Variants in UTF1 observed in about 807,000 individuals in gnomAD.
UTF1 encodes the protein undifferentiated embryonic cell transcription factor 1.
UTF1 carries 8 observed loss-of-function variants against 11.8 expected under a neutral mutation model. The observed-to-expected ratio is 0.68, with a 90% CI of 0.40 to 1.23. The LOEUF (loss-of-function observed/expected upper bound fraction) is 1.23, where lower values mean the gene tolerates loss of function less well. Among genes scored for constraint, UTF1 ranks in the 50% most tolerant of loss-of-function variants. UTF1 has a pLI of 0.01. For missense variants in UTF1, 545 were observed against 542.1 expected, an observed-to-expected ratio of 1.01 and a Z score of -0.05; for synonymous variants, 344 against 271.7, an observed-to-expected ratio of 1.27 and a Z score of -2.62.
Position 133,231,152 on chromosome 10 carries a change from C to T in UTF1, c.736C>T (p.Pro246Ser), listed in dbSNP as rs1845794527. 1 of 1,241,536 alleles carries T rather than the reference C, an allele frequency of 8.1e-7. No individual in the cohort carries two copies. Among genetic ancestry groups the T allele is most frequent in the Admixed American group, 4.3e-5 (1 of 23,090 alleles). The allele number at this position is 1,241,536 out of a possible 1,614,324, so 76.9% of individuals were successfully genotyped here. ...CGCGCCCGTCCGCGGCCCCGGGTCC[C>T]CGCCGCCACCCCCGGCCCGCGAAGA... ...DRAPVRGPGS[P>S]PPPPAREDPD... Residue 246 changes from proline to serine, a missense_variant, in exon 2 of 2, where the codon CCG becomes TCG. This residue lies in a region of UTF1 where 394 missense variants were observed against 341.5 expected (regional missense o/e 1.15). Transcript: ENST00000304477.
chr10:133,230,603 G>A lies in UTF1; in HGVS notation c.315G>A (p.Gln105=), dbSNP rs1178689429. Residue 105 remains glutamine, a synonymous_variant, in exon 1 of 2, where the codon CAG becomes CAA. Transcript: ENST00000304477. ...YRRVSAALAQ[Q]QVRRTPAQCR... is the part of the protein sequence containing the mutation. Reference sequence around the variant, plus strand: ...GCGTGTCGGCCGCGCTGGCCCAGCAGCAGGTGCGCCGCACCCCCGCGCAGT... The same window carrying A: ...GCGTGTCGGCCGCGCTGGCCCAGCAACAGGTGCGCCGCACCCCCGCGCAGT... The A allele has an allele frequency of 9.2e-6, 13 of 1,415,292 alleles. No individual in the cohort carries two copies. The highest frequency in any genetic ancestry group is 1.2e-5 in the Non-Finnish European group (13 of 1,090,586). 87.7% of individuals were successfully genotyped at this position (1,415,292 alleles called of 1,614,324 possible).
At position 133,231,535 on chromosome 10, in the gene UTF1, C is replaced by T; in HGVS notation, c.*93C>T. ...TCCCACCCCCGTTCTTGGGTATGTT[C>T]AATAAAAGGATTGTTTTCCTAGAGT... On this transcript the variant is annotated 3_prime_UTR_variant, in exon 2 of 2. Transcript: ENST00000304477. The T allele has an allele frequency of 9.7e-7, 1 of 1,036,008 alleles. No individual in the cohort carries two copies. Among genetic ancestry groups the T allele is most frequent in the Non-Finnish European group, 1.3e-6 (1 of 756,752 alleles). The allele number at this position is 1,036,008 out of a possible 1,614,324, so 64.2% of individuals were successfully genotyped here.
chr10:133,231,392 C>T lies in UTF1; in HGVS notation c.976C>T (p.Leu326=), dbSNP rs1290726126. The T allele has an allele frequency of 5.1e-6, 8 of 1,573,264 alleles. No homozygotes were observed. The highest frequency in any genetic ancestry group is 4.1e-5 in the African/African-American group (3 of 73,846). Residue 326 remains leucine, a synonymous_variant, in exon 2 of 2, where the codon CTG becomes TTG. Transcript: ENST00000304477. Reference sequence around the variant, plus strand: ...AGTGTCCCTGGCCGTGGGCTTCATTCTGGGCAGCGCGGCCGCCGAGCGAGG... The same window carrying T: ...AGTGTCCCTGGCCGTGGGCTTCATTTTGGGCAGCGCGGCCGCCGAGCGAGG... ...QTVSLAVGFI[L]GSAAAERGVL...
chr10:133,231,229 GC>G lies in UTF1; in HGVS notation c.818del (p.Pro273ArgfsTer3). On this transcript the variant is annotated frameshift_variant, in exon 2 of 2. Transcript: ENST00000304477. LOFTEE classifies it high-confidence loss of function. ...PEDCAPPPAA[P>X]PSLNTALLQT... ...AGGACTGCGCGCCCCCTCCGGCCGC[GC>G]CCCCGTCGCTGAACACCGCCCTGCT... 3 of 1,531,878 alleles carry G rather than the reference GC, an allele frequency of 2.0e-6. No homozygotes were observed. The highest frequency in any genetic ancestry group is 8.7e-7 in the Non-Finnish European group (1 of 1,145,662). The allele number at this position is 1,531,878 out of a possible 1,614,324, so 94.9% of individuals were successfully genotyped here.
At position 133,230,670 on chromosome 10, in the gene UTF1, G is replaced by C. The variant is rs746945493; in HGVS notation, c.382G>C (p.Ala128Pro). ...YKFLKDKFRE[A>P]HGQPPGPFDE... is the part of the protein sequence containing the mutation. ...GTTCCTTAAAGACAAGTTTCGCGAGGCGCACGGCCAGCCGCCCGGGCCCTT... is the reference window on the plus strand; with the variant it reads ...GTTCCTTAAAGACAAGTTTCGCGAGCCGCACGGCCAGCCGCCCGGGCCCTT... The change falls in exon 1 of 2, where the codon GCG becomes CCG. Residue 128 changes from alanine to proline, a missense_variant. Ala to Pro is a conservative substitution (Grantham distance 27). Around this residue, in one of 3 missense-constraint regions of UTF1, gnomAD observed 394 missense variants for 341.5 expected, o/e 1.15. Coordinates refer to ENST00000304477, the MANE Select transcript of UTF1 (RefSeq NM_003577.3). The C allele has an allele frequency of 4.7e-6, 7 of 1,490,104 alleles. No individual in the cohort carries two copies. The highest frequency in any genetic ancestry group is 3.8e-5 in the South Asian group (3 of 78,776). 92.3% of individuals were successfully genotyped at this position (1,490,104 alleles called of 1,614,324 possible). A position where few individuals can be genotyped will look rare whatever the true frequency, so the allele number is the denominator to read the frequency against.
chr10:133,231,307 C>G lies in UTF1; in HGVS notation c.891C>G (p.Arg297=), dbSNP rs750246007. 46 of 1,597,226 alleles carry G rather than the reference C, an allele frequency of 2.9e-5. No individual in the cohort carries two copies. In the African/African-American group the frequency reaches 5.5e-4, roughly 19 times the overall value. Residue 297 remains arginine, a synonymous_variant, in exon 2 of 2, where the codon CGC becomes CGG. Transcript: ENST00000304477. The stretch of plus-strand genomic sequence containing the variant: ...TCGCGAACATCCTGGGCCCGCTGCG[C>G]GACCAGCTGCTGACCTTGAACCAGC... ...GDIANILGPL[R]DQLLTLNQHV...
In UTF1 at chr10:133,230,312, GC is replaced by G; in HGVS notation, c.29del (p.Pro10ArgfsTer266). 1 of 1,083,958 alleles carries G rather than the reference GC, an allele frequency of 9.2e-7. No individual in the cohort carries two copies. Among genetic ancestry groups the G allele is most frequent in the Non-Finnish European group, 1.1e-6 (1 of 895,686 alleles). 67.1% of individuals were successfully genotyped at this position (1,083,958 alleles called of 1,614,324 possible). A position where few individuals can be genotyped will look rare whatever the true frequency, so the allele number is the denominator to read the frequency against. ...GGATGCTGCTCCGGCCCCGCAGGCC[GC>G]CCCCGCTCGCGCCCCCCGCGCCGCC... is the stretch of plus-strand genomic sequence containing the variant. MLLRPRRP[P>X]PLAPPAPPSP... On this transcript the variant is annotated frameshift_variant, in exon 1 of 2. Coordinates refer to ENST00000304477, the MANE Select transcript of UTF1 (RefSeq NM_003577.3). LOFTEE classifies it high-confidence loss of function.
In UTF1 at chr10:133,231,030, G is replaced by A. The variant is rs2136046488; in HGVS notation, c.614G>A (p.Ser205Asn). 1.5e-6 allele frequency: 2 copies of A among 1,323,442 alleles called. No individual in the cohort carries two copies. Among genetic ancestry groups the A allele is most frequent in the East Asian group, 3.2e-5 (1 of 31,522 alleles). The allele number at this position is 1,323,442 out of a possible 1,614,324, so 82.0% of individuals were successfully genotyped here. A position where few individuals can be genotyped will look rare whatever the true frequency, so the allele number is the denominator to read the frequency against. ...GACCCCACCTGGACGCTCCGCTTCAGCCCGTCCCCACCGAAGTCTGCGGAC... is the reference window on the plus strand; with the variant it reads ...GACCCCACCTGGACGCTCCGCTTCAACCCGTCCCCACCGAAGTCTGCGGAC... ...DADPTWTLRF[S>N]PSPPKSADAS... is the part of the protein sequence containing the mutation. The change falls in exon 2 of 2, where the codon AGC (serine) becomes AAC (asparagine). Residue 205 changes from serine to asparagine, a missense_variant. By Grantham distance (46) the Ser-to-Asn change is conservative. Around this residue, in one of 3 missense-constraint regions of UTF1, gnomAD observed 394 missense variants for 341.5 expected, o/e 1.15. Coordinates refer to ENST00000304477, the MANE Select transcript of UTF1 (RefSeq NM_003577.3).
chr10:133,231,002 G>A lies in UTF1; in HGVS notation c.586G>A (p.Ala196Thr). ...GCTGCCCACCGCCCGCGACCGCGAC[G>A]CGGACCCCACCTGGACGCTCCGCTT... ...TPLPTARDRD[A>T]DPTWTLRFSP... The change falls in exon 2 of 2, where the codon GCG becomes ACG. Residue 196 changes from alanine (A) to threonine (T), a missense_variant. Physicochemically the swap from Ala to Thr is moderately conservative, Grantham distance 58 (BLOSUM62 0). Transcript: ENST00000304477. The A allele has an allele frequency of 1.5e-6, 2 of 1,334,300 alleles. No homozygotes were observed. Among genetic ancestry groups the A allele is most frequent in the Non-Finnish European group, 1.9e-6 (2 of 1,045,996 alleles). The allele number at this position is 1,334,300 out of a possible 1,614,324, so 82.7% of individuals were successfully genotyped here.
In UTF1 at chr10:133,230,605, A is replaced by G; in HGVS notation, c.317A>G (p.Gln106Arg). ...RRVSAALAQQ[Q>R]VRRTPAQCRR... ...GTGTCGGCCGCGCTGGCCCAGCAGC[A>G]GGTGCGCCGCACCCCCGCGCAGTGC... Residue 106 changes from glutamine (Q) to arginine (R), a missense_variant, in exon 1 of 2, where the codon CAG (glutamine) becomes CGG (arginine). Physicochemically the swap from Gln to Arg is conservative, Grantham distance 43. Coordinates refer to ENST00000304477, the MANE Select transcript of UTF1 (RefSeq NM_003577.3). 7.1e-7 allele frequency: 1 copy of G among 1,416,580 alleles called. No homozygotes were observed. The highest frequency in any genetic ancestry group is 3.1e-5 in the East Asian group (1 of 32,376). 87.8% of individuals were successfully genotyped at this position (1,416,580 alleles called of 1,614,324 possible). A position where few individuals can be genotyped will look rare whatever the true frequency, so the allele number is the denominator to read the frequency against.
chr10:133,231,546 T>C lies in UTF1; in HGVS notation c.*104T>C. ...TTCTTGGGTATGTTCAATAAAAGGA[T>C]TGTTTTCCTAGAGTCCGGGCTGTGT... On this transcript the variant is annotated 3_prime_UTR_variant, in exon 2 of 2. Transcript: ENST00000304477. 2 of 1,028,714 alleles carry C rather than the reference T, an allele frequency of 1.9e-6. No homozygotes were observed. Among genetic ancestry groups the C allele is most frequent in the Non-Finnish European group, 2.7e-6 (2 of 744,510 alleles). The allele number at this position is 1,028,714 out of a possible 1,614,324, so 63.7% of individuals were successfully genotyped here.
rs1338996605 is a variant in UTF1 at position 133,230,814 on chromosome 10, C to T, written c.526C>T (p.His176Tyr). The T allele has an allele frequency of 2.3e-6, 3 of 1,316,160 alleles. No individual in the cohort carries two copies. Among genetic ancestry groups the T allele is most frequent in the Middle Eastern group, 2.8e-4 (1 of 3,510 alleles). The allele number at this position is 1,316,160 out of a possible 1,614,324, so 81.5% of individuals were successfully genotyped here. A position where few individuals can be genotyped will look rare whatever the true frequency, so the allele number is the denominator to read the frequency against. Reference sequence around the variant, plus strand: ...CGCCCGCCGCCCGGTCCCCAACGCGCACGCGCCGGCTCCCAGCGAACCAGG... The same window carrying T: ...CGCCCGCCGCCCGGTCCCCAACGCGTACGCGCCGGCTCCCAGCGAACCAGG... ...QRARRPVPNA[H>Y]APAPSEPDAT... The change falls in exon 1 of 2, where the codon CAC becomes TAC. Residue 176 changes from histidine to tyrosine, a missense_variant. Coordinates refer to ENST00000304477, the MANE Select transcript of UTF1 (RefSeq NM_003577.3).
In UTF1 at chr10:133,230,618, C is replaced by T. The variant is rs1490794471; in HGVS notation, c.330C>T (p.Thr110=). The change falls in exon 1 of 2, where the codon ACC becomes ACT. Residue 110 remains threonine, a synonymous_variant. Coordinates refer to ENST00000304477, the MANE Select transcript of UTF1 (RefSeq NM_003577.3). The part of the protein sequence containing the change: ...AALAQQQVRR[T]PAQCRRRYKF... ...TGGCCCAGCAGCAGGTGCGCCGCAC[C>T]CCCGCGCAGTGCCGCCGCCGCTACA... 4 of 1,444,198 alleles carry T rather than the reference C, an allele frequency of 2.8e-6. No individual in the cohort carries two copies. The highest frequency in any genetic ancestry group is 1.5e-5 in the African/African-American group (1 of 67,730). The allele number at this position is 1,444,198 out of a possible 1,614,324, so 89.5% of individuals were successfully genotyped here.
At chr10:133,230,936 A>T (rs1431818948) in intron 1 of UTF1, 31 bp from the exon 2 acceptor site, 2 of 1,293,132 alleles carry the variant, frequency 1.5e-6, no homozygotes, top group Admixed American at 8.5e-5. Context: ...CCCCGCGAAA[A>T]TCCGCCCGAC....
Position 133,231,140 on chromosome 10 carries a change from G to C in UTF1, c.724G>C (p.Gly242Arg). Residue 242 changes from glycine (G) to arginine (R), a missense_variant, in exon 2 of 2, where the codon GGC (glycine) becomes CGC (arginine). Transcript: ENST00000304477. The part of the protein sequence containing the change: ...CIPEDRAPVR[G>R]PGSPPPPPAR... Reference sequence around the variant, plus strand: ...CCCCGAGGACCGCGCGCCCGTCCGCGGCCCCGGGTCCCCGCCGCCACCCCC... The same window carrying C: ...CCCCGAGGACCGCGCGCCCGTCCGCCGCCCCGGGTCCCCGCCGCCACCCCC... 2 of 1,219,802 alleles carry C rather than the reference G, an allele frequency of 1.6e-6. No individual in the cohort carries two copies. The highest frequency in any genetic ancestry group is 7.5e-5 in the South Asian group (2 of 26,704). The allele number at this position is 1,219,802 out of a possible 1,614,324, so 75.6% of individuals were successfully genotyped here. A position where few individuals can be genotyped will look rare whatever the true frequency, so the allele number is the denominator to read the frequency against.
chr10:133,230,281 G>T lies in UTF1; in HGVS notation c.-8G>T. ...CCCCATCCTCGCGCGCCGCGCCCCA[G>T]CCCCGGGATGCTGCTCCGGCCCCGC... On this transcript the variant is annotated 5_prime_UTR_variant, in exon 1 of 2. Coordinates refer to ENST00000304477, the MANE Select transcript of UTF1 (RefSeq NM_003577.3). 9.5e-7 allele frequency: 1 copy of T among 1,052,558 alleles called. No individual in the cohort carries two copies. Among genetic ancestry groups the T allele is most frequent in the Non-Finnish European group, 1.1e-6 (1 of 875,386 alleles). 65.2% of individuals were successfully genotyped at this position (1,052,558 alleles called of 1,614,324 possible). A position where few individuals can be genotyped will look rare whatever the true frequency, so the allele number is the denominator to read the frequency against.
rs778470716 is a variant in UTF1, at chr10:133,230,630, C to T, written c.342C>T (p.Cys114=). The T allele has an allele frequency of 1.6e-4, 237 of 1,458,572 alleles. No individual in the cohort carries two copies. The highest frequency in any genetic ancestry group is 1.2e-3 in the Admixed American group (47 of 38,684). The allele number at this position is 1,458,572 out of a possible 1,614,324, so 90.4% of individuals were successfully genotyped here. ...QQQVRRTPAQ[C]RRRYKFLKDK... ...AGGTGCGCCGCACCCCCGCGCAGTG[C>T]CGCCGCCGCTACAAGTTCCTTAAAG... The change falls in exon 1 of 2, where the codon TGC becomes TGT. Residue 114 remains cysteine, a synonymous_variant. Coordinates refer to ENST00000304477, the MANE Select transcript of UTF1 (RefSeq NM_003577.3).
chr10:133,231,496 C>T lies in UTF1; in HGVS notation c.*54C>T, dbSNP rs536992672. ...CAGGCCGAGGCCCCTCCGCCCTGAC[C>T]CCTCCTGCTGCCTTCCCACCCCCGT... is the stretch of plus-strand genomic sequence containing the variant. On this transcript the variant is annotated 3_prime_UTR_variant, in exon 2 of 2. Transcript: ENST00000304477. The T allele has an allele frequency of 1.1e-4, 142 of 1,312,994 alleles. 1 individual carries two copies. The East Asian group carries it at 2.5e-3, about 23-fold the overall frequency. The allele number at this position is 1,312,994 out of a possible 1,614,324, so 81.3% of individuals were successfully genotyped here. A position where few individuals can be genotyped will look rare whatever the true frequency, so the allele number is the denominator to read the frequency against.
At position 133,231,259 on chromosome 10, in the gene UTF1, G is replaced by C. The variant is rs1485408909; in HGVS notation, c.843G>C (p.Gln281His). The change falls in exon 2 of 2, where the codon CAG (glutamine) becomes CAC (histidine). Residue 281 changes from glutamine (Q) to histidine (H), a missense_variant. By Grantham distance (24) the Gln-to-His change is conservative (BLOSUM62 0). Transcript: ENST00000304477. Reference protein sequence around the residue: ...APPSLNTALLQTLGHLGDIAN... With the variant: ...APPSLNTALLHTLGHLGDIAN... ...CGTCGCTGAACACCGCCCTGCTGCA[G>C]ACCCTGGGGCACCTGGGCGACATCG... The C allele has an allele frequency of 6.3e-7, 1 of 1,579,038 alleles. No homozygotes were observed. Among genetic ancestry groups the C allele is most frequent in the South Asian group, 1.1e-5 (1 of 87,070 alleles).
Sources: gnomAD v4.1 joint callset for allele counts on GRCh38, gnomAD v4.1.1 for gene constraint, gnomAD v4.1.1 regional missense constraint, MANE v1.5 for transcripts, NCBI Gene and HGNC (gene_info 2026-07-23, HGNC 2026-07-21) for gene names.